The following LUZP2 variants were observed in gnomAD, a reference collection of about 807,000 sequenced individuals.
The protein encoded by LUZP2 is leucine zipper protein 2.
A neutral mutation model predicts 51.6 loss-of-function variants in LUZP2; 52 were observed. The ratio of observed to expected loss-of-function variants is 1.01; its 90% CI spans 0.81 to 1.27. The LOEUF is 1.27. Ranked by LOEUF, LUZP2 falls within the 50% of genes most tolerant of loss-of-function variation. LUZP2 has a pLI of 0.00. For missense variants in LUZP2, 436 were observed against 395.4 expected, an observed-to-expected ratio of 1.10 and a Z score of -0.87; for synonymous variants, 154 against 137.3, an observed-to-expected ratio of 1.12 and a Z score of -0.85.
intron 8 of LUZP2, among the ~76,000 whole-genome samples, chr11:24,982,771 T>G (rs1200238781): frequency 1.3e-5 from 2 of 151,766 alleles, no homozygotes; most frequent in Non-Finnish European, 2.9e-5. Context: ...AAAATAAAAG[T>G]TAAATAAAGA....
intron 1 of LUZP2, among the ~76,000 whole-genome samples, chr11:24,582,756 T>G (rs947832963): frequency 3.3e-5 from 5 of 152,258 alleles, no homozygotes; most frequent in African/African-American, 1.2e-4. Flanking sequence ...TTTTTGTTTT[T>G]GTTTTTGTTT....
In LUZP2 at chr11:25,015,223, T is replaced by A. The variant is rs139664842; in HGVS notation, c.765+31930T>A. 2.6e-5 allele frequency among the ~76,000 whole-genome samples: 4 copies of A among 152,222 alleles called. No homozygotes were observed. In the East Asian group the frequency reaches 7.7e-4, roughly 29 times the overall value. On this transcript the variant is annotated intron_variant, in intron 9 of 11. Coordinates refer to ENST00000336930, the MANE Select transcript of LUZP2 (RefSeq NM_001009909.4). ...AAACATTATTATCCTGTTTTAAAAA[T>A]AAACTTTTAGTTTGGAATACCTCTA...
At chr11:24,750,774 C>G (rs1859549786) in intron 4 of LUZP2, among the ~76,000 whole-genome samples, 1 of 152,078 alleles carries the variant, frequency 6.6e-6, no homozygotes, top group South Asian at 2.1e-4. Context: ...TTAATCACAT[C>G]CAGTACAATA....
chr11:24,802,500 A>T (rs1849724752), intron 5 of LUZP2, among the ~76,000 whole-genome samples: 2 of 151,994 alleles, frequency 1.3e-5, no homozygotes, highest in Non-Finnish European at 1.5e-5. Context: ...AGTACACATA[A>T]GATAAAATTT....
intron 7 of LUZP2, among the ~76,000 whole-genome samples, chr11:24,974,704 A>T (rs2133901873): frequency 6.6e-6 from 1 of 152,188 alleles, no homozygotes; most frequent in Non-Finnish European, 1.5e-5. Context: ...GTGATTAAAT[A>T]AATTTTACCA....
intron 7 of LUZP2, among the ~76,000 whole-genome samples, chr11:24,948,215 A>AT (rs904379182): frequency 2.2e-4 from 33 of 150,250 alleles, no homozygotes; most frequent in East Asian, 5.9e-4. Flanking sequence ...ATCATGAGTG[A>AT]TTTTTTTTCA....
intron 1 of LUZP2, among the ~76,000 whole-genome samples, chr11:24,610,146 G>A (rs12294210): frequency 0.014 from 2,076 of 152,284 alleles, 22 homozygotes; most frequent in South Asian, 0.02. Flanking sequence ...AATGGCGTTC[G>A]AAGAGGAACG....
rs184681622 is a variant in LUZP2 at position 24,880,123 on chromosome 11, C to T, written c.397-25868C>T. Among the ~76,000 whole-genome samples, 221 of 152,310 alleles carry T rather than the reference C, an allele frequency of 1.5e-3. 1 individual carries two copies. Among genetic ancestry groups the T allele is most frequent in the Non-Finnish European group, 2.4e-3 (165 of 68,016 alleles). On this transcript the variant is annotated intron_variant, in intron 5 of 11. Coordinates refer to ENST00000336930, the MANE Select transcript of LUZP2 (RefSeq NM_001009909.4). Reference sequence around the variant, plus strand: ...CATGGTGGTGATGCCTGCCAAAACTCAAGGTTGGATTGCTGGCATAGGTGA... The same window carrying T: ...CATGGTGGTGATGCCTGCCAAAACTTAAGGTTGGATTGCTGGCATAGGTGA...
At chr11:24,622,455 T>C (rs1358424707) in intron 1 of LUZP2, among the ~76,000 whole-genome samples, 2 of 152,094 alleles carry the variant, frequency 1.3e-5, no homozygotes. Flanking sequence ...CCTGCTTGCC[T>C]TGGCCGTGGC....
chr11:24,688,253 A>G (rs1170385945), intron 1 of LUZP2, among the ~76,000 whole-genome samples: 4 of 152,186 alleles, frequency 2.6e-5, no homozygotes, highest in Admixed American at 1.3e-4. Context: ...AGTCCTCACA[A>G]GAACCCAGTT....
At chr11:24,951,024 A>G (rs1855063116) in intron 7 of LUZP2, among the ~76,000 whole-genome samples, 1 of 151,748 alleles carries the variant, frequency 6.6e-6, no homozygotes, top group Admixed American at 6.6e-5. Context: ...TCTTCCTTCA[A>G]TAAGAGAGAG....
intron 7 of LUZP2, among the ~76,000 whole-genome samples, chr11:24,937,881 A>G (rs1350924882): frequency 6.6e-6 from 1 of 151,190 alleles, no homozygotes; most frequent in Non-Finnish European, 1.5e-5. Flanking sequence ...AGCCTGGGCG[A>G]CAGGGCAAGA....
At chr11:24,613,822 A>G (rs1404839229) in intron 1 of LUZP2, among the ~76,000 whole-genome samples, 1 of 152,064 alleles carries the variant, frequency 6.6e-6, no homozygotes, top group Non-Finnish European at 1.5e-5. Context: ...TTCTGCCAGA[A>G]TAACTAGCTG....
intron 1 of LUZP2, among the ~76,000 whole-genome samples, chr11:24,621,555 C>T (rs1854495753): frequency 6.6e-6 from 1 of 152,194 alleles, no homozygotes; most frequent in Non-Finnish European, 1.5e-5. Context: ...TCAAATGTCA[C>T]TGAATTCCTA....
intron 5 of LUZP2, among the ~76,000 whole-genome samples, chr11:24,803,294 C>T (rs926881689): frequency 6.6e-6 from 1 of 151,926 alleles, no homozygotes; most frequent in Non-Finnish European, 1.5e-5. Flanking sequence ...CAAATCAAAA[C>T]TATTATGAGA....
At chr11:24,658,745 C>A (rs535965020) in intron 1 of LUZP2, among the ~76,000 whole-genome samples, 1 of 152,214 alleles carries the variant, frequency 6.6e-6, no homozygotes, top group East Asian at 1.9e-4. Flanking sequence ...ACAACCCCAT[C>A]AAAAAGTCAA....
At chr11:24,824,092 G>C (rs770688581) in intron 5 of LUZP2, among the ~76,000 whole-genome samples, 1 of 151,442 alleles carries the variant, frequency 6.6e-6, no homozygotes, top group Non-Finnish European at 1.5e-5. Flanking sequence ...GGGTGGGTGT[G>C]GTGGCTTATG....
intron 9 of LUZP2, among the ~76,000 whole-genome samples, chr11:25,028,602 T>C (rs1302870737): frequency 6.6e-6 from 1 of 152,024 alleles, no homozygotes; most frequent in Non-Finnish European, 1.5e-5. Context: ...ACAATTGAAC[T>C]CTATGTACTA....
At chr11:24,972,694 T>C (rs950941244) in intron 7 of LUZP2, among the ~76,000 whole-genome samples, 8 of 152,142 alleles carry the variant, frequency 5.3e-5, no homozygotes, top group African/African-American at 1.4e-4. Flanking sequence ...GTGGGTTTTT[T>C]TTCTTTAGTT....
Sources: allele counts gnomAD v4.1 joint callset (sites outside exome capture counted in the v4.1 genomes callset), GRCh38; gene constraint gnomAD v4.1.1; transcripts MANE v1.5; gene names NCBI Gene and HGNC (gene_info 2026-07-23, HGNC 2026-07-21).